Variants in CDYL2 observed in about 807,000 individuals in gnomAD.
CDYL2 encodes the protein chromodomain Y like 2, also known as chromodomain Y-like protein 2.
Under a neutral mutation model 49.4 loss-of-function variants are expected in CDYL2, and 23 were observed. That is an observed-to-expected ratio of 0.47 (90% CI 0.34 to 0.66). The LOEUF (loss-of-function observed/expected upper bound fraction) is 0.66, where lower values mean the gene tolerates loss of function less well. Ranked by LOEUF, CDYL2 falls within the 30% of genes least tolerant of loss-of-function variation. The pLI is 0.01. For synonymous variants in CDYL2, 360 were observed against 268.8 expected (o/e 1.34, Z -3.32); for missense variants, 678 against 656.4 (o/e 1.03, Z -0.36).
chr16:80,626,252 C>T (rs977755268), intron 3 of CDYL2, among the ~76,000 whole-genome samples: 2 of 131,182 alleles, frequency 1.5e-5, no homozygotes, highest in East Asian at 2.1e-4. Flanking sequence ...ACTCCAACCT[C>T]GGTGACAGAA....
rs756822913 is a variant in CDYL2, at chr16:80,685,005, T to C, written c.149A>G (p.Glu50Gly). ...EPEHHLLHCE[E>G]FIDEFNGLHM... ...CAACCCATTGAATTCATCAATAAAC[T>C]CCTCACAGTGCAAGAGGTGGTGCTC... Residue 50 changes from glutamate (E) to glycine (G), a missense_variant, in exon 2 of 7, where the codon GAG (glutamate) becomes GGG (glycine). This residue lies in a region of CDYL2 where 478 missense variants were observed against 427.0 expected (regional missense o/e 1.12). Transcript: ENST00000570137. 6.2e-7 allele frequency: 1 copy of C among 1,614,136 alleles called. No homozygotes were observed. The highest frequency in any genetic ancestry group is 8.5e-7 in the Non-Finnish European group (1 of 1,180,024).
rs1390656668 is a variant in CDYL2 at position 80,597,972 on chromosome 16, G to A, written c.*6416C>T. The A allele has an allele frequency of 1.3e-5, 2 of 152,136 alleles. No individual in the cohort carries two copies. The highest frequency in any genetic ancestry group is 4.8e-5 in the African/African-American group (2 of 41,420). 9.4% of individuals were successfully genotyped at this position (152,136 alleles called of 1,614,324 possible). A position where few individuals can be genotyped will look rare whatever the true frequency, so the allele number is the denominator to read the frequency against. On this transcript the variant is annotated 3_prime_UTR_variant, in exon 7 of 7. Coordinates refer to ENST00000570137, the MANE Select transcript of CDYL2 (RefSeq NM_152342.4). ...ATAAATACTGCATATTAGCACACAT[G>A]AAAAATACAACTTCTAAGGCACCCA...
At chr16:80,635,933 T>C (rs1907801856) in intron 2 of CDYL2, among the ~76,000 whole-genome samples, 1 of 152,170 alleles carries the variant, frequency 6.6e-6, no homozygotes, top group Admixed American at 6.6e-5. Context: ...ATCTGATCTT[T>C]GACAAATCTG....
chr16:80,778,214 G>A (rs1907153486), intron 1 of CDYL2, among the ~76,000 whole-genome samples: 1 of 151,866 alleles, frequency 6.6e-6, no homozygotes, highest in African/African-American at 2.4e-5. Flanking sequence ...AATTCATGGT[G>A]AAACAAAAAG....
intron 4 of CDYL2, among the ~76,000 whole-genome samples, chr16:80,619,885 G>A (rs1040580885): frequency 1.3e-5 from 2 of 152,192 alleles, no homozygotes; most frequent in East Asian, 1.9e-4. Context: ...CTATAGCCAC[G>A]TGGGAATCAG....
intron 2 of CDYL2, among the ~76,000 whole-genome samples, chr16:80,644,631 A>G (rs1040330840): frequency 3.3e-5 from 5 of 152,206 alleles, no homozygotes; most frequent in Non-Finnish European, 4.4e-5. Flanking sequence ...GGAAGATGCA[A>G]AGGCGGAAAC....
At position 80,719,182 on chromosome 16, in the gene CDYL2, G is replaced by A. The variant is rs546645856; in HGVS notation, c.25-34053C>T. On this transcript the variant is annotated intron_variant, in intron 1 of 6. Transcript: ENST00000570137. ...GCTGAGCAAGAAAGACACAGTCACT[G>A]ACCCCCGTGAATGCAAAGGCAATGT... 3.9e-5 allele frequency among the ~76,000 whole-genome samples: 6 copies of A among 152,258 alleles called. No individual in the cohort carries two copies. In the East Asian group the frequency reaches 7.7e-4, roughly 20 times the overall value.
Position 80,610,782 on chromosome 16 carries a change from TAG to T in CDYL2, c.1218+1842_1218+1843del, listed in dbSNP as rs559905210. On this transcript the variant is annotated intron_variant, in intron 5 of 6. Coordinates refer to ENST00000570137, the MANE Select transcript of CDYL2 (RefSeq NM_152342.4). ...GCACTCGGCTTTTTCTCTGGGGTTG[TAG>T]AGTTTGGCCCTGTCACCTAAGGGGT... Among the ~76,000 whole-genome samples, 1,187 of 152,304 alleles carry T rather than the reference TAG, an allele frequency of 7.8e-3. 7 individuals carry two copies. Among genetic ancestry groups the T allele is most frequent in the Non-Finnish European group, 0.011 (762 of 68,024 alleles).
At position 80,634,486 on chromosome 16, in the gene CDYL2, G is replaced by C. The variant is rs187352204; in HGVS notation, c.617-1250C>G. On this transcript the variant is annotated intron_variant, in intron 2 of 6. Transcript: ENST00000570137. ...CCAGGGCGGGGAACATCACACACCAGGGCCTGTCGTGGGGTGGGGACATGG... is the reference window on the plus strand; with the variant it reads ...CCAGGGCGGGGAACATCACACACCACGGCCTGTCGTGGGGTGGGGACATGG... Among the ~76,000 whole-genome samples, 1,350 of 152,234 alleles carry C rather than the reference G, an allele frequency of 8.9e-3. 29 individuals are homozygous for C. Among genetic ancestry groups the C allele is most frequent in the African/African-American group, 0.031 (1,270 of 41,530 alleles).
intron 1 of CDYL2, among the ~76,000 whole-genome samples, chr16:80,771,460 T>C (rs1906902385): frequency 6.6e-6 from 1 of 152,208 alleles, no homozygotes. Flanking sequence ...TCCCAGCACT[T>C]CGGGAGGCCG....
chr16:80,686,225 A>G (rs1157267425), intron 1 of CDYL2, among the ~76,000 whole-genome samples: 1 of 152,204 alleles, frequency 6.6e-6, no homozygotes, highest in Non-Finnish European at 1.5e-5. Context: ...GGAAAAATAC[A>G]CTCGGAAAAT....
intron 2 of CDYL2, among the ~76,000 whole-genome samples, chr16:80,659,643 GACAC>G (rs1272809370): frequency 7.0e-6 from 1 of 142,282 alleles, no homozygotes; most frequent in Non-Finnish European, 1.5e-5. Context: ...TACATATACA[GACAC>G]ACACAGAAAG....
At chr16:80,792,784 C>T (rs1907651537) in intron 1 of CDYL2, among the ~76,000 whole-genome samples, 1 of 152,130 alleles carries the variant, frequency 6.6e-6, no homozygotes, top group Admixed American at 6.5e-5. Flanking sequence ...TGCTGTGCTG[C>T]CAAAAGCTCA....
In CDYL2 at chr16:80,603,778, T is replaced by G. The variant is rs1417388630; in HGVS notation, c.*610A>C. ...TTATCAGAATTTCCACTTACATTGT[T>G]TTAAAAATATATATTTAACAAAACA... On this transcript the variant is annotated 3_prime_UTR_variant, in exon 7 of 7. Transcript: ENST00000570137. 6.5e-6 allele frequency: 1 copy of G among 152,698 alleles called. No homozygotes were observed. The highest frequency in any genetic ancestry group is 2.4e-5 in the African/African-American group (1 of 41,468). 9.5% of individuals were successfully genotyped at this position (152,698 alleles called of 1,614,324 possible).
chr16:80,639,875 A>G (rs1484343770), intron 2 of CDYL2: 2 of 362,402 alleles, frequency 5.5e-6, no homozygotes, highest in Non-Finnish European at 1.1e-5. Context: ...AAGCAAAAGC[A>G]TACCAAACTC....
intron 1 of CDYL2, among the ~76,000 whole-genome samples, chr16:80,712,546 G>A (rs887358525): frequency 4.6e-5 from 7 of 152,100 alleles, no homozygotes; most frequent in Non-Finnish European, 1.0e-4. Flanking sequence ...CCAGCAGCAG[G>A]ATGGGGCAGG....
At chr16:80,680,453 G>C (rs919901118) in intron 2 of CDYL2, among the ~76,000 whole-genome samples, 3 of 152,158 alleles carry the variant, frequency 2.0e-5, no homozygotes. Context: ...CTCCTAGTTA[G>C]GGACGTTTCA....
chr16:80,645,302 A>G (rs1388780092), intron 2 of CDYL2, among the ~76,000 whole-genome samples: 1 of 152,180 alleles, frequency 6.6e-6, no homozygotes, highest in Admixed American at 6.5e-5. Flanking sequence ...AGAAAAAACA[A>G]CCCCATCAAC....
At chr16:80,782,099 C>G (rs1907287988) in intron 1 of CDYL2, among the ~76,000 whole-genome samples, 1 of 151,740 alleles carries the variant, frequency 6.6e-6, no homozygotes, top group Non-Finnish European at 1.5e-5. Context: ...AAACCAAAGT[C>G]TATTCTTTGG....
Sources: gnomAD v4.1 joint callset for allele counts (sites outside exome capture counted in the v4.1 genomes callset) on GRCh38, gnomAD v4.1.1 for gene constraint, gnomAD v4.1.1 regional missense constraint, MANE v1.5 for transcripts, NCBI Gene and HGNC (gene_info 2026-07-23, HGNC 2026-07-21) for gene names.